Variants in TECTA observed in about 807,000 individuals in gnomAD.
The protein encoded by TECTA is alpha-tectorin.
In TECTA, 128 loss-of-function variants were observed where a neutral mutation model predicts 216.8. That is an observed-to-expected ratio of 0.59 (90% CI 0.51 to 0.68). The LOEUF (loss-of-function observed/expected upper bound fraction) is 0.68. Ranked by LOEUF, TECTA falls within the 30% of genes least tolerant of loss-of-function variation. The pLI is 0.00. For missense variants in TECTA, 2,551 were observed against 2,786.2 expected (o/e 0.92, Z 1.90); for synonymous variants, 1,089 against 1,117.1 (o/e 0.97, Z 0.50).
chr11:121,170,493 A>C (rs1947100968), intron 20 of TECTA, among the ~76,000 whole-genome samples: 1 of 151,780 alleles, frequency 6.6e-6, no homozygotes, highest in Admixed American at 6.6e-5. Context: ...GTGCGTGTGA[A>C]ACCTCTGTAG....
chr11:121,137,254 GCACA>G (rs776461476), intron 10 of TECTA, among the ~76,000 whole-genome samples, 163 bp from the exon 11 acceptor site: 5 of 151,628 alleles, frequency 3.3e-5, no homozygotes, highest in Non-Finnish European at 7.4e-5. Context: ...ACACGCACGT[GCACA>G]CACACATGCA....
chr11:121,117,268 A>C (rs989334759), intron 6 of TECTA, among the ~76,000 whole-genome samples: 2 of 152,210 alleles, frequency 1.3e-5, no homozygotes, highest in African/African-American at 4.8e-5. Context: ...AGCAGTATCC[A>C]CATTTTACAG....
chr11:121,125,330 T>C lies in TECTA; in HGVS notation c.1232T>C (p.Val411Ala). 1 of 1,613,996 alleles carries C rather than the reference T, an allele frequency of 6.2e-7. No individual in the cohort carries two copies. The highest frequency in any genetic ancestry group is 1.3e-5 in the African/African-American group (1 of 75,066). The change falls in exon 8 of 24, where the codon GTC (valine) becomes GCC (alanine). Residue 411 changes from valine (V) to alanine (A), a missense_variant. Coordinates refer to ENST00000392793, the MANE Select transcript of TECTA (RefSeq NM_005422.4). ...AATGACCTAGTGACTTCTTTGCCTG[T>C]CACCTTAGACTTGGGGACAGTGAAA... Reference protein sequence around the residue: ...KVNDLVTSLPVTLDLGTVKIY... With the variant: ...KVNDLVTSLPATLDLGTVKIY...
intron 9 of TECTA, 84 bp from the exon 10 acceptor site, chr11:121,129,554 A>G (rs940967316): frequency 5.7e-6 from 8 of 1,409,988 alleles, no homozygotes; most frequent in Non-Finnish European, 8.0e-6. Flanking sequence ...GCAATAGGGC[A>G]GACCGTGTCT....
At chr11:121,124,300 C>G (rs2135075548) in intron 7 of TECTA, among the ~76,000 whole-genome samples, 1 of 152,270 alleles carries the variant, frequency 6.6e-6, no homozygotes, top group East Asian at 1.9e-4. Context: ...ATGGACCTTG[C>G]CTGTACCTCC....
At chr11:121,159,022 G>A (rs2135121851) in intron 14 of TECTA, among the ~76,000 whole-genome samples, 1 of 152,332 alleles carries the variant, frequency 6.6e-6, no homozygotes, top group South Asian at 2.1e-4. Flanking sequence ...GGCACTGTGA[G>A]CACAGAGAGG....
At position 121,162,111 on chromosome 11, in the gene TECTA, A is replaced by G; in HGVS notation, c.5013A>G (p.Ser1671=). 2 of 1,614,158 alleles carry G rather than the reference A, an allele frequency of 1.2e-6. No individual in the cohort carries two copies. The highest frequency in any genetic ancestry group is 1.7e-6 in the Non-Finnish European group (2 of 1,180,040). Residue 1671 remains serine (S), a synonymous_variant, in exon 16 of 24, where the codon TCA becomes TCG. Transcript: ENST00000392793. ...CCAGCTGCAACGAGCTGCAGTTCTC[A>G]CAGTATGCAGCCATGTGTGACAATG... ...LAPSCNELQF[S]QYAAMCDNVH... is the part of the protein sequence containing the mutation.
At position 121,105,032 on chromosome 11, in the gene TECTA, A is replaced by G. The variant is rs1946378932; in HGVS notation, c.65-799A>G. Among the ~76,000 whole-genome samples, 1 of 152,138 alleles carries G rather than the reference A, an allele frequency of 6.6e-6. No homozygotes were observed. Among genetic ancestry groups the G allele is most frequent in the Admixed American group, 6.5e-5 (1 of 15,280 alleles). On this transcript the variant is annotated intron_variant, in intron 2 of 23. Transcript: ENST00000392793. This position sits in a 1 kb window ranked among gnomAD's most constrained non-coding sequence, Gnocchi z 5.3. ...TTGTCTCATTTCTCCCACAAAACTG[A>G]GCCACATCTTGCAACAGTATGGACG...
chr11:121,162,421 G>A, intron 16 of TECTA, 51 bp downstream of exon 16: 1 of 1,581,458 alleles, frequency 6.3e-7, no homozygotes, highest in Non-Finnish European at 8.6e-7. Context: ...GAAAAGAACA[G>A]CTTTGCTGGT....
chr11:121,118,102 C>T (rs548663175), intron 6 of TECTA, among the ~76,000 whole-genome samples: 1 of 152,324 alleles, frequency 6.6e-6, no homozygotes, highest in African/African-American at 2.4e-5. Flanking sequence ...GGCTTTACCA[C>T]GGAGCTGCTG....
At chr11:121,136,687 A>T (rs563426929) in intron 10 of TECTA, among the ~76,000 whole-genome samples, 1 of 152,160 alleles carries the variant, frequency 6.6e-6, no homozygotes, top group East Asian at 1.9e-4. Context: ...ATGAAATAAC[A>T]TCCCAAAGTT....
chr11:121,134,141 A>G (rs751731935), intron 10 of TECTA, among the ~76,000 whole-genome samples: 47 of 152,102 alleles, frequency 3.1e-4, no homozygotes, highest in Non-Finnish European at 5.4e-4. Flanking sequence ...TTGGCATAAC[A>G]GGGTGCTTCG....
rs1485293254 is a variant in TECTA at position 121,191,382 on chromosome 11, C to T, written c.*576C>T. Reference sequence around the variant, plus strand: ...GGGATATTGTTGACCTGGGGAACCCCACCCACTCTCCTACCCCCTCGAACC... The same window carrying T: ...GGGATATTGTTGACCTGGGGAACCCTACCCACTCTCCTACCCCCTCGAACC... On this transcript the variant is annotated 3_prime_UTR_variant, in exon 24 of 24. Coordinates refer to ENST00000392793, the MANE Select transcript of TECTA (RefSeq NM_005422.4). 2 of 162,188 alleles carry T rather than the reference C, an allele frequency of 1.2e-5. No homozygotes were observed. The highest frequency in any genetic ancestry group is 2.7e-5 in the Non-Finnish European group (2 of 73,418). 10.0% of individuals were successfully genotyped at this position (162,188 alleles called of 1,614,324 possible). A position where few individuals can be genotyped will look rare whatever the true frequency, so the allele number is the denominator to read the frequency against.
chr11:121,188,845 G>A (rs1947313676), intron 21 of TECTA, among the ~76,000 whole-genome samples: 2 of 152,186 alleles, frequency 1.3e-5, no homozygotes, highest in South Asian at 4.1e-4. Flanking sequence ...ATGAAGGAGA[G>A]GTTTTTAAAA....
intron 7 of TECTA, among the ~76,000 whole-genome samples, chr11:121,121,275 C>A (rs1177098096): frequency 6.6e-6 from 1 of 152,230 alleles, no homozygotes; most frequent in Non-Finnish European, 1.5e-5. Flanking sequence ...ATGGAACTTT[C>A]TTTCAGTTCC....
At chr11:121,174,314 A>G (rs1405380828) in intron 20 of TECTA, among the ~76,000 whole-genome samples, 1 of 150,830 alleles carries the variant, frequency 6.6e-6, no homozygotes, top group Non-Finnish European at 1.5e-5. Context: ...TCAGTATGAT[A>G]TTGGCTGTGG....
chr11:121,108,837 C>CCAGTACACACACACCCTT (rs1251562509), intron 3 of TECTA, among the ~76,000 whole-genome samples: 4 of 143,916 alleles, frequency 2.8e-5, no homozygotes, highest in Admixed American at 1.4e-4. Flanking sequence ...GCACCTCACC[C>CCAGTACACACACACCCTT]CAGTACACAC....
rs372023989 is a variant in TECTA, at chr11:121,189,859, G to A, written c.6346G>A (p.Glu2116Lys). 3 of 1,613,210 alleles carry A rather than the reference G, an allele frequency of 1.9e-6. No homozygotes were observed. The African/African-American group carries it at 4.0e-5, about 22-fold the overall frequency. ...CAGCTGTGTAACAGGAACCCTGCAGGAGGACGGCAAGAGCTGCAGAGGTAG... is the reference window on the plus strand; with the variant it reads ...CAGCTGTGTAACAGGAACCCTGCAGAAGGACGGCAAGAGCTGCAGAGGTAG... ...LCSCVTGTLQ[E>K]DGKSCRASNS... Residue 2116 changes from glutamate to lysine, a missense_variant, in exon 23 of 24, where the codon GAG (glutamate) becomes AAG (lysine). Coordinates refer to ENST00000392793, the MANE Select transcript of TECTA (RefSeq NM_005422.4).
intron 16 of TECTA, 75 bp from the exon 17 acceptor site, chr11:121,165,198 G>C: frequency 7.2e-7 from 1 of 1,394,044 alleles, no homozygotes; most frequent in Non-Finnish European, 1.0e-6. Context: ...TGGCAAGTCT[G>C]GAGTGGAACC....
Sources: gnomAD v4.1 joint callset for allele counts (sites outside exome capture counted in the v4.1 genomes callset) on GRCh38, gnomAD v4.1.1 for gene constraint, Gnocchi (gnomAD v3.1) non-coding constraint, MANE v1.5 for transcripts, NCBI Gene and HGNC (gene_info 2026-07-23, HGNC 2026-07-21) for gene names.